ARL9: variants seen among roughly 807,000 people sequenced by gnomAD.
ARL9 encodes ADP-ribosylation factor-like protein 9.
A neutral mutation model predicts 27.0 loss-of-function variants in ARL9; 14 were observed. That is an observed-to-expected ratio of 0.52 (90% CI 0.34 to 0.81). ARL9 has a LOEUF of 0.81. Ranked by LOEUF, ARL9 falls within the 30% of genes least tolerant of loss-of-function variation. The pLI, the probability that ARL9 is intolerant of heterozygous loss-of-function variation, is 0.01. For synonymous variants in ARL9, 106 were observed against 108.7 expected, an observed-to-expected ratio of 0.98 and a Z score of 0.15; for missense variants, 294 against 290.0, an observed-to-expected ratio of 1.01 and a Z score of -0.10.
At chr4:56,512,538 C>CTTTTTT (rs34744797) in intron 2 of ARL9, among the ~76,000 whole-genome samples, 1 of 130,070 alleles carries the variant, frequency 7.7e-6, no homozygotes, top group Non-Finnish European at 1.6e-5. Flanking sequence ...ATCAATCATT[C>CTTTTTT]TTTTTTTTTT....
chr4:56,516,168 G>C (rs1721761239), intron 2 of ARL9, among the ~76,000 whole-genome samples: 2 of 152,106 alleles, frequency 1.3e-5, no homozygotes, highest in African/African-American at 4.8e-5. Context: ...GGACCACATG[G>C]AATAAAGATG....
chr4:56,521,232 AAG>A (rs1721907575), intron 3 of ARL9, among the ~76,000 whole-genome samples: 2 of 151,596 alleles, frequency 1.3e-5, no homozygotes, highest in Admixed American at 1.3e-4. Flanking sequence ...AAAAAAAAAA[AAG>A]AGAGAGGCTG....
At position 56,506,018 on chromosome 4, in the gene ARL9, G is replaced by A; in HGVS notation, c.156G>A (p.Glu52=). 8.2e-7 allele frequency: 1 copy of A among 1,220,358 alleles called. No homozygotes were observed. The highest frequency in any genetic ancestry group is 4.1e-5 in the South Asian group (1 of 24,316). The allele number at this position is 1,220,358 out of a possible 1,614,324, so 75.6% of individuals were successfully genotyped here. A position where few individuals can be genotyped will look rare whatever the true frequency, so the allele number is the denominator to read the frequency against. The change falls in exon 1 of 4, where the codon GAG becomes GAA. Residue 52 remains glutamate, a synonymous_variant. Transcript: ENST00000640821. ...QEKQERRKGK[E]KEEKRTKQGK... is the part of the protein sequence containing the mutation. The stretch of plus-strand genomic sequence containing the variant: ...AGCAGGAGAGGAGAAAGGGAAAAGA[G>A]AAAGAGGAAAAGAGGACAAAGCAAG...
Position 56,523,968 on chromosome 4 carries a change from A to G in ARL9, c.*92A>G. The G allele has an allele frequency of 7.8e-7, 1 of 1,276,984 alleles. No homozygotes were observed. The highest frequency in any genetic ancestry group is 1.1e-6 in the Non-Finnish European group (1 of 943,918). The allele number at this position is 1,276,984 out of a possible 1,614,324, so 79.1% of individuals were successfully genotyped here. A position where few individuals can be genotyped will look rare whatever the true frequency, so the allele number is the denominator to read the frequency against. Reference sequence around the variant, plus strand: ...CCAAAGGTTTCCACCTCAAATAAAAATTAAGCCATTTCCTATTTTCTCAGT... The same window carrying G: ...CCAAAGGTTTCCACCTCAAATAAAAGTTAAGCCATTTCCTATTTTCTCAGT... On this transcript the variant is annotated 3_prime_UTR_variant, in exon 4 of 4. Transcript: ENST00000640821.
At chr4:56,514,294 G>C (rs58333131) in intron 2 of ARL9, among the ~76,000 whole-genome samples, 31,762 of 152,118 alleles carry the variant, frequency 0.21, 3,673 homozygotes, top group Admixed American at 0.36. Context: ...TGTAAATTAG[G>C]TAAAAGAACA....
At chr4:56,511,737 A>G (rs1373198185) in intron 2 of ARL9, among the ~76,000 whole-genome samples, 1 of 152,206 alleles carries the variant, frequency 6.6e-6, no homozygotes, top group Non-Finnish European at 1.5e-5. Context: ...ATGGCAGTCC[A>G]CAGGCCCCTA....
rs568228481 is a variant in ARL9 at position 56,514,244 on chromosome 4, G to A, written c.442+2897G>A. On this transcript the variant is annotated intron_variant, in intron 2 of 3. Coordinates refer to ENST00000640821, the MANE Select transcript of ARL9 (RefSeq NM_001363794.2). ...TTTATAATCTTAAATGATTATAGCT[G>A]AAAGGAAAATAGCTGAACACTTATA... is the stretch of plus-strand genomic sequence containing the variant. 2.0e-5 allele frequency among the ~76,000 whole-genome samples: 3 copies of A among 152,278 alleles called. No individual in the cohort carries two copies. In the East Asian group the frequency reaches 5.8e-4, roughly 29 times the overall value.
At chr4:56,516,598 A>AG (rs1721772969) in intron 2 of ARL9, among the ~76,000 whole-genome samples, 2 of 151,194 alleles carry the variant, frequency 1.3e-5, no homozygotes, top group Non-Finnish European at 3.0e-5. Context: ...AAAAAAAAAA[A>AG]AAAAGAAAAA....
At chr4:56,509,383 A>G (rs547383830) in intron 1 of ARL9, among the ~76,000 whole-genome samples, 11 of 149,584 alleles carry the variant, frequency 7.4e-5, no homozygotes, top group Non-Finnish European at 7.4e-5. Flanking sequence ...TATTTTTGGT[A>G]GAGACAGGGT....
At chr4:56,515,323 C>T (rs1453533369) in intron 2 of ARL9, among the ~76,000 whole-genome samples, 2 of 148,932 alleles carry the variant, frequency 1.3e-5, no homozygotes, top group African/African-American at 2.5e-5. Flanking sequence ...AAGTAAAAAA[C>T]ATAATCACCT....
intron 3 of ARL9, among the ~76,000 whole-genome samples, chr4:56,521,047 T>TA (rs1486275667): frequency 3.3e-5 from 5 of 151,774 alleles, no homozygotes; most frequent in Non-Finnish European, 5.9e-5. Flanking sequence ...CTGTCTCTAC[T>TA]AAAAAATACA....
At chr4:56,522,987 T>A (rs973187716) in intron 3 of ARL9, among the ~76,000 whole-genome samples, 2 of 152,224 alleles carry the variant, frequency 1.3e-5, no homozygotes, top group African/African-American at 4.8e-5. Flanking sequence ...TGGTAAAGTA[T>A]CATATAGACC....
At chr4:56,506,897 G>T (rs1259248483) in intron 1 of ARL9, among the ~76,000 whole-genome samples, 1 of 150,046 alleles carries the variant, frequency 6.7e-6, no homozygotes, top group East Asian at 2.0e-4. Flanking sequence ...CCTCAGCCTG[G>T]CACCGCCCCC....
At chr4:56,515,928 A>G (rs1190793469) in intron 2 of ARL9, among the ~76,000 whole-genome samples, 1 of 152,218 alleles carries the variant, frequency 6.6e-6, no homozygotes, top group Admixed American at 6.5e-5. Flanking sequence ...GATTTTTTAA[A>G]AAGAGTTTGA....
intron 1 of ARL9, among the ~76,000 whole-genome samples, chr4:56,508,215 T>TC (rs61318330): frequency 0.13 from 19,745 of 151,908 alleles, 1,625 homozygotes; most frequent in East Asian, 0.27. Context: ...CAATGAAGTC[T>TC]CCCTTGCCCC....
chr4:56,520,335 G>A (rs974009444), intron 3 of ARL9, among the ~76,000 whole-genome samples: 2 of 152,206 alleles, frequency 1.3e-5, no homozygotes, highest in African/African-American at 4.8e-5. Context: ...TAAAAGGGAA[G>A]GAAATTCAGA....
At chr4:56,523,391 A>G (rs1354410624) in intron 3 of ARL9, among the ~76,000 whole-genome samples, 2 of 152,214 alleles carry the variant, frequency 1.3e-5, no homozygotes, top group African/African-American at 4.8e-5. Context: ...CCTGTCTTTA[A>G]ACAAACAACA....
chr4:56,515,910 C>G (rs1193621898), intron 2 of ARL9, among the ~76,000 whole-genome samples: 2 of 152,130 alleles, frequency 1.3e-5, no homozygotes, highest in Non-Finnish European at 2.9e-5. Flanking sequence ...CAATCAATAG[C>G]TCAACAAGAT....
intron 3 of ARL9, among the ~76,000 whole-genome samples, chr4:56,522,448 G>GA (rs532389399): frequency 2.5e-4 from 36 of 145,798 alleles, no homozygotes; most frequent in African/African-American, 7.1e-4. Context: ...TATGATACAG[G>GA]AAAAAAAAAA....
Sources: allele counts gnomAD v4.1 joint callset (sites outside exome capture counted in the v4.1 genomes callset), GRCh38; gene constraint gnomAD v4.1.1; transcripts MANE v1.5; gene names NCBI Gene and HGNC (gene_info 2026-07-23, HGNC 2026-07-21).